The following WDR7 variants were observed in gnomAD, a reference collection of about 807,000 sequenced individuals.
WDR7 encodes WD repeat-containing protein 7.
In WDR7, 46 loss-of-function variants were observed where a neutral mutation model predicts 169.4. That is an observed-to-expected ratio of 0.27 (90% CI 0.21 to 0.35). The LOEUF (loss-of-function observed/expected upper bound fraction) is 0.35, where lower values mean the gene tolerates loss of function less well. Ranked by LOEUF, WDR7 falls within the 10% of genes least tolerant of loss-of-function variation. The probability of loss-of-function intolerance (pLI) is 1.00; values close to 1 mark genes in which losing one functional copy is unlikely to be tolerated. For synonymous variants in WDR7, 612 were observed against 666.8 expected (o/e 0.92, Z 1.27); for missense variants, 1,534 against 1,859.3 (o/e 0.83, Z 3.22).
intron 17 of WDR7, 36 bp downstream of exon 17, chr18:56,776,916 C>A (rs1021241010): frequency 1.3e-6 from 2 of 1,546,288 alleles, no homozygotes; most frequent in Admixed American, 3.3e-5. Flanking sequence ...TTCTCTCAAT[C>A]TGTGCTTTAT....
intron 20 of WDR7, among the ~76,000 whole-genome samples, chr18:56,823,545 C>T (rs2045140168): frequency 6.6e-6 from 1 of 152,166 alleles, no homozygotes; most frequent in South Asian, 2.1e-4. Context: ...GAGATCACAT[C>T]CCTGCGCTCC....
intron 26 of WDR7, among the ~76,000 whole-genome samples, chr18:57,003,170 C>T (rs757951606): frequency 1.3e-5 from 2 of 152,038 alleles, no homozygotes; most frequent in African/African-American, 2.4e-5. Flanking sequence ...CCACAGAAGC[C>T]AAACTTAAAC....
At chr18:56,736,802 G>A (rs1017591199) in intron 14 of WDR7, among the ~76,000 whole-genome samples, 1 of 151,972 alleles carries the variant, frequency 6.6e-6, no homozygotes, top group Non-Finnish European at 1.5e-5. Flanking sequence ...AAAGAGGAGG[G>A]TAGTAGCTTC....
intron 25 of WDR7, among the ~76,000 whole-genome samples, chr18:56,939,633 G>C (rs889602009): frequency 1.3e-5 from 2 of 152,040 alleles, no homozygotes; most frequent in African/African-American, 4.8e-5. Context: ...ATGAGTAAGA[G>C]AGAACATTCA....
chr18:56,834,956 G>A (rs1195474947), intron 20 of WDR7, among the ~76,000 whole-genome samples: 1 of 152,202 alleles, frequency 6.6e-6, no homozygotes, highest in African/African-American at 2.4e-5. Flanking sequence ...AGCCTTCTGT[G>A]TTGTCTGTGT....
chr18:56,819,163 G>A (rs2045036847), intron 20 of WDR7, among the ~76,000 whole-genome samples: 1 of 152,154 alleles, frequency 6.6e-6, no homozygotes, highest in Non-Finnish European at 1.5e-5. Context: ...AGTTGAATCT[G>A]AGCCTAGTAG....
At chr18:57,014,332 C>CAAAAA in intron 26 of WDR7, among the ~76,000 whole-genome samples, 1 of 133,280 alleles carries the variant, frequency 7.5e-6, no homozygotes, top group African/African-American at 2.9e-5. Context: ...GACTCCATCT[C>CAAAAA]AAAAAAAAAA....
chr18:56,898,606 C>T (rs988168117), intron 21 of WDR7, among the ~76,000 whole-genome samples: 1 of 152,054 alleles, frequency 6.6e-6, no homozygotes, highest in Non-Finnish European at 1.5e-5. Context: ...AAAGGGCATA[C>T]CTTTAATCTA....
At chr18:57,010,074 G>A (rs2048116545) in intron 26 of WDR7, 1 of 985,506 alleles carries the variant, frequency 1.0e-6, no homozygotes. Flanking sequence ...TCTAGAAAGG[G>A]TGGAGATAAT....
chr18:57,001,742 G>A lies in WDR7; in HGVS notation c.4165-19003G>A, dbSNP rs2145888222. ...CAATCACCAATCTTTCTTGCACTGT[G>A]GTTTTTGCCTGATTAAGAATTTTAT... On this transcript the variant is annotated intron_variant, in intron 26 of 27. Transcript: ENST00000254442. Among the ~76,000 whole-genome samples the A allele has an allele frequency of 3.3e-5, 5 of 152,114 alleles. 1 individual carries two copies. In the South Asian group the frequency reaches 1.0e-3, roughly 32 times the overall value.
chr18:56,903,383 G>A (rs889436599), intron 21 of WDR7, among the ~76,000 whole-genome samples: 20 of 151,618 alleles, frequency 1.3e-4, no homozygotes, highest in African/African-American at 4.8e-4. Flanking sequence ...GTAGCCAATT[G>A]GTATATTTGT....
intron 14 of WDR7, among the ~76,000 whole-genome samples, chr18:56,747,641 G>A (rs552526702): frequency 6.6e-6 from 1 of 152,166 alleles, no homozygotes; most frequent in Non-Finnish European, 1.5e-5. Context: ...AAACTGACCT[G>A]AAGGGTTGTT....
At chr18:56,945,843 T>C (rs1245377575) in intron 25 of WDR7, among the ~76,000 whole-genome samples, 1 of 152,148 alleles carries the variant, frequency 6.6e-6, no homozygotes, top group Non-Finnish European at 1.5e-5. Flanking sequence ...AAACAAAACC[T>C]GAGTCATTGT....
At chr18:56,817,873 C>G (rs2045008673) in intron 20 of WDR7, among the ~76,000 whole-genome samples, 1 of 151,768 alleles carries the variant, frequency 6.6e-6, no homozygotes, top group East Asian at 1.9e-4. Flanking sequence ...GCCTCTCAAG[C>G]AGCTATAACT....
chr18:56,926,591 T>A (rs2046812363), intron 22 of WDR7, among the ~76,000 whole-genome samples: 1 of 152,226 alleles, frequency 6.6e-6, no homozygotes, highest in Non-Finnish European at 1.5e-5. Flanking sequence ...AGGTCTTATC[T>A]ACATGTAGTT....
chr18:56,841,734 T>C (rs1286590512), intron 20 of WDR7, among the ~76,000 whole-genome samples: 1 of 152,182 alleles, frequency 6.6e-6, no homozygotes, highest in Non-Finnish European at 1.5e-5. Flanking sequence ...TCATTTGAGG[T>C]ACACAGCTGA....
At chr18:56,812,358 C>T (rs911691059) in intron 19 of WDR7, among the ~76,000 whole-genome samples, 2 of 152,092 alleles carry the variant, frequency 1.3e-5, no homozygotes, top group Non-Finnish European at 2.9e-5. Context: ...TTATTAGTTT[C>T]GATAATTCCT....
chr18:56,739,539 G>T (rs2043580955), intron 14 of WDR7, among the ~76,000 whole-genome samples: 1 of 151,692 alleles, frequency 6.6e-6, no homozygotes, highest in Non-Finnish European at 1.5e-5. Context: ...TGTTCTTTTT[G>T]TACTTTACAT....
At position 56,873,818 on chromosome 18, in the gene WDR7, C is replaced by G. The variant is rs1303905102; in HGVS notation, c.3305-6126C>G. ...GAATCAGGAGTTTGTGCCAATTCAT[C>G]TTGATCTAAGATGTCACACCAGGCT... On this transcript the variant is annotated intron_variant, in intron 20 of 27. Coordinates refer to ENST00000254442, the MANE Select transcript of WDR7 (RefSeq NM_015285.3). 2.0e-5 allele frequency: 3 copies of G among 152,310 alleles called. No individual in the cohort carries two copies. In the East Asian group the frequency reaches 5.8e-4, roughly 29 times the overall value. 9.4% of individuals were successfully genotyped at this position (152,310 alleles called of 1,614,324 possible). A position where few individuals can be genotyped will look rare whatever the true frequency, so the allele number is the denominator to read the frequency against.
Sources: gnomAD v4.1 joint callset for allele counts (sites outside exome capture counted in the v4.1 genomes callset) on GRCh38, gnomAD v4.1.1 for gene constraint, MANE v1.5 for transcripts, NCBI Gene and HGNC (gene_info 2026-07-23, HGNC 2026-07-21) for gene names.